The following DHX32 variants were observed in gnomAD, a reference collection of about 807,000 sequenced individuals.
DHX32 encodes DEAH-box helicase 32 (putative), also known as putative pre-mRNA-splicing factor ATP-dependent RNA helicase DHX32.
A neutral mutation model predicts 70.0 loss-of-function variants in DHX32; 51 were observed. The observed-to-expected ratio is 0.73, with a 90% CI of 0.58 to 0.92. The LOEUF (loss-of-function observed/expected upper bound fraction) is 0.92. Among genes scored for constraint, DHX32 ranks in the 40% least tolerant of loss-of-function variants. The pLI is 0.00. For synonymous variants in DHX32, 310 were observed against 315.3 expected (o/e 0.98, Z 0.18); for missense variants, 762 against 891.8 (o/e 0.85, Z 1.85).
upstream of DHX32, among the ~76,000 whole-genome samples, chr10:125,885,439 C>G (rs189797633): frequency 1.3e-3 from 200 of 152,156 alleles, 1 homozygote; most frequent in Non-Finnish European, 4.7e-4. Context: ...AATCAGAGGA[C>G]CCTCCTAGCC....
At chr10:125,859,051 T>G (rs1255364800) in intron 3 of DHX32, among the ~76,000 whole-genome samples, 2 of 150,542 alleles carry the variant, frequency 1.3e-5, no homozygotes, top group Admixed American at 6.6e-5. Context: ...GTTTGTTTTT[T>G]TTTTTTTTTT....
At chr10:125,853,155 T>C (rs1944113938) in intron 4 of DHX32, 2 of 1,612,906 alleles carry the variant, frequency 1.2e-6, no homozygotes, top group Non-Finnish European at 1.7e-6. Context: ...ACAGCCCTGG[T>C]TTCTCTGAAG....
intron 1 of DHX32, among the ~76,000 whole-genome samples, chr10:125,867,601 TGGC>T (rs1339563799): frequency 5.3e-5 from 8 of 152,022 alleles, no homozygotes; most frequent in Non-Finnish European, 1.2e-4. Flanking sequence ...CTAGGCGTGG[TGGC>T]GGGCGCCTGT....
chr10:125,860,332 G>A (rs1007136786), intron 2 of DHX32, among the ~76,000 whole-genome samples: 8 of 152,094 alleles, frequency 5.3e-5, no homozygotes, highest in Admixed American at 1.3e-4. Flanking sequence ...AAACACCCTG[G>A]TCAATTTTTC....
chr10:125,840,783 G>A, intron 8 of DHX32, 64 bp downstream of exon 8: 9 of 1,485,774 alleles, frequency 6.1e-6, no homozygotes, highest in Non-Finnish European at 7.2e-6. Flanking sequence ...TAACTAATAA[G>A]GACTCAGACT....
intron 1 of DHX32, among the ~76,000 whole-genome samples, chr10:125,869,071 T>G (rs1207549730): frequency 6.6e-6 from 1 of 152,220 alleles, no homozygotes; most frequent in African/African-American, 2.4e-5. Context: ...TTTAAAATTC[T>G]GTGATTCTAC....
chr10:125,850,628 T>C (rs1392852135), intron 6 of DHX32, among the ~76,000 whole-genome samples: 1 of 152,180 alleles, frequency 6.6e-6, no homozygotes, highest in Non-Finnish European at 1.5e-5. Context: ...ATGCTGGGAT[T>C]AGAGGCGTGA....
chr10:125,879,778 A>G (rs1293972264), intron 1 of DHX32, among the ~76,000 whole-genome samples: 1 of 152,062 alleles, frequency 6.6e-6, no homozygotes, highest in Admixed American at 6.5e-5. Flanking sequence ...CAGCCTCCCA[A>G]GTAGCTGGGA....
intron 1 of DHX32, among the ~76,000 whole-genome samples, chr10:125,895,635 GATA>G (rs1375382900): frequency 6.6e-6 from 1 of 152,298 alleles, no homozygotes; most frequent in African/African-American, 2.4e-5. Context: ...TATTGTGTGG[GATA>G]ATGTTACATT....
chr10:125,868,061 ATAAATAAACCCATC>A (rs1356013695), intron 1 of DHX32, among the ~76,000 whole-genome samples: 1 of 152,220 alleles, frequency 6.6e-6, no homozygotes, highest in Non-Finnish European at 1.5e-5. Flanking sequence ...ATATAATTAA[ATAAATAAACCCATC>A]TAAATAAACC....
chr10:125,852,726 A>G (rs1944108106), intron 4 of DHX32, 84 bp from the exon 5 acceptor site: 3 of 1,219,610 alleles, frequency 2.5e-6, no homozygotes, highest in South Asian at 1.5e-5. Context: ...TATGCTGCGC[A>G]GTACTTTACT....
chr10:125,880,996 T>A lies in DHX32; in HGVS notation c.-172A>T, dbSNP rs1944313802. 4.1e-6 allele frequency: 3 copies of A among 736,096 alleles called. No homozygotes were observed. The highest frequency in any genetic ancestry group is 3.5e-5 in the African/African-American group (2 of 56,490). The allele number at this position is 736,096 out of a possible 1,614,324, so 45.6% of individuals were successfully genotyped here. Reference sequence around the variant, plus strand: ...AAATTCCTCAAACCTGCATCTGTTCTCCGTTGCTGTGTTACCCACTGTGCT... The same window carrying A: ...AAATTCCTCAAACCTGCATCTGTTCACCGTTGCTGTGTTACCCACTGTGCT... On this transcript the variant is annotated 5_prime_UTR_variant, in exon 1 of 11. Transcript: ENST00000284690.
intron 6 of DHX32, among the ~76,000 whole-genome samples, chr10:125,847,394 C>T (rs1944035735): frequency 6.6e-6 from 1 of 152,156 alleles, no homozygotes; most frequent in Non-Finnish European, 1.5e-5. Flanking sequence ...TTAATATATC[C>T]ACTGCAACAT....
chr10:125,881,653 T>C (rs1944318098), upstream of DHX32, among the ~76,000 whole-genome samples: 2 of 152,186 alleles, frequency 1.3e-5, no homozygotes, highest in Non-Finnish European at 2.9e-5. Flanking sequence ...TTATTTTATA[T>C]ATATATAAAA....
intron 2 of DHX32, among the ~76,000 whole-genome samples, chr10:125,864,373 C>T (rs913927176): frequency 1.3e-5 from 2 of 152,192 alleles, no homozygotes; most frequent in East Asian, 1.9e-4. Flanking sequence ...TACTCTCCAC[C>T]TGTCTCCATG....
upstream of DHX32, among the ~76,000 whole-genome samples, chr10:125,882,631 C>T (rs926095108): frequency 6.6e-6 from 1 of 152,002 alleles, no homozygotes; most frequent in Non-Finnish European, 1.5e-5. Context: ...ATAGCTCTTC[C>T]CAAGTAAAGT....
intron 1 of DHX32, among the ~76,000 whole-genome samples, chr10:125,879,015 GTTTTT>G (rs35025096): frequency 1.2e-4 from 7 of 56,674 alleles, no homozygotes; most frequent in African/African-American, 3.6e-4. Context: ...GCCTTTTCTT[GTTTTT>G]TTTTTTTTTT....
chr10:125,847,275 C>A (rs1191870337), intron 6 of DHX32, among the ~76,000 whole-genome samples: 1 of 152,154 alleles, frequency 6.6e-6, no homozygotes, highest in Non-Finnish European at 1.5e-5. Context: ...GGATGAGAAA[C>A]TAAAAAACTT....
At chr10:125,894,396 C>T (rs138314183) in intron 1 of DHX32, among the ~76,000 whole-genome samples, 2 of 152,178 alleles carry the variant, frequency 1.3e-5, no homozygotes, top group African/African-American at 2.4e-5. Flanking sequence ...GTCCCTGCCT[C>T]GGACATTTCA....
Sources: allele counts gnomAD v4.1 joint callset (sites outside exome capture counted in the v4.1 genomes callset), GRCh38; gene constraint gnomAD v4.1.1; transcripts MANE v1.5; gene names NCBI Gene and HGNC (gene_info 2026-07-23, HGNC 2026-07-21).